The following KCND3 variants were observed in gnomAD, a reference collection of about 807,000 sequenced individuals.
KCND3 encodes the protein A-type voltage-gated potassium channel KCND3.
A neutral mutation model predicts 51.1 loss-of-function variants in KCND3; 9 were observed. The ratio of observed to expected loss-of-function variants is 0.18; its 90% confidence interval spans 0.11 to 0.31. KCND3 has a LOEUF of 0.31. Ranked by LOEUF, KCND3 falls within the 10% of genes least tolerant of loss-of-function variation. KCND3 has a pLI of 1.00. For synonymous variants in KCND3, 349 were observed against 368.0 expected, an observed-to-expected ratio of 0.95 and a Z score of 0.59; for missense variants, 526 against 903.8, an observed-to-expected ratio of 0.58 and a Z score of 5.36.
intron 2 of KCND3, among the ~76,000 whole-genome samples, chr1:111,930,952 G>C (rs1206250839): frequency 6.6e-6 from 1 of 152,178 alleles, no homozygotes; most frequent in African/African-American, 2.4e-5. Context: ...TGTGTGCTGG[G>C]GAGAGGTGGG....
At chr1:111,828,163 T>G (rs563262824) in intron 2 of KCND3, among the ~76,000 whole-genome samples, 2 of 152,278 alleles carry the variant, frequency 1.3e-5, no homozygotes, top group African/African-American at 4.8e-5. Flanking sequence ...CTCCCTGTGA[T>G]GACAGCTCCA....
intron 2 of KCND3, among the ~76,000 whole-genome samples, chr1:111,792,467 AGGAT>A (rs1664877853): frequency 6.6e-6 from 1 of 152,140 alleles, no homozygotes; most frequent in South Asian, 2.1e-4. Context: ...GGCTAGAGAG[AGGAT>A]GGCTGTGGAA....
At position 111,960,934 on chromosome 1, in the gene KCND3, G is replaced by A. The variant is rs1673617464; in HGVS notation, c.1106+20687C>T. On this transcript the variant is annotated intron_variant, in intron 2 of 7. Coordinates refer to ENST00000302127, the MANE Select transcript of KCND3 (RefSeq NM_001378969.1). ...ACTGGGGAACCCCATCCAAATGCCA[G>A]CTTTCCACTCTAGGGAAGACCTCTC... Among the ~76,000 whole-genome samples, 4 of 152,288 alleles carry A rather than the reference G, an allele frequency of 2.6e-5. No individual in the cohort carries two copies. The South Asian group carries it at 8.3e-4, about 32-fold the overall frequency.
chr1:111,784,400 A>G (rs7551060), intron 3 of KCND3, among the ~76,000 whole-genome samples: 1,658 of 152,270 alleles, frequency 0.011, 25 homozygotes, highest in African/African-American at 0.038. Flanking sequence ...AAATGCCCCA[A>G]TCCAGATGTT....
chr1:111,897,516 G>A (rs551138220), intron 2 of KCND3, among the ~76,000 whole-genome samples: 1 of 152,360 alleles, frequency 6.6e-6, no homozygotes, highest in East Asian at 1.9e-4. Context: ...AGCTCGGTGT[G>A]TGGCGCCCTG....
chr1:111,846,535 G>T (rs765765597), intron 2 of KCND3, among the ~76,000 whole-genome samples: 16 of 152,182 alleles, frequency 1.1e-4, no homozygotes, highest in Non-Finnish European at 1.8e-4. Flanking sequence ...GGACAATGGA[G>T]CTAGACAGCT....
intron 2 of KCND3, among the ~76,000 whole-genome samples, chr1:111,866,413 C>T (rs952241962): frequency 2.6e-5 from 4 of 151,370 alleles, no homozygotes; most frequent in African/African-American, 7.3e-5. Flanking sequence ...CATAGGAGTG[C>T]GCCACCATGC....
chr1:111,775,969 G>T lies in KCND3; in HGVS notation c.*108C>A. On this transcript the variant is annotated 3_prime_UTR_variant, in exon 8 of 8. Coordinates refer to ENST00000302127, the MANE Select transcript of KCND3 (RefSeq NM_001378969.1). ...TCAGTGCTAGGGGTACAATGGGGCA[G>T]GCAGAAATAGTGGGGAAAGGGGGGA... 8.0e-7 allele frequency: 1 copy of T among 1,248,676 alleles called. No homozygotes were observed. The allele number at this position is 1,248,676 out of a possible 1,614,324, so 77.3% of individuals were successfully genotyped here. A position where few individuals can be genotyped will look rare whatever the true frequency, so the allele number is the denominator to read the frequency against.
intron 2 of KCND3, among the ~76,000 whole-genome samples, chr1:111,910,571 G>C (rs1242841638): frequency 6.6e-6 from 1 of 152,162 alleles, no homozygotes; most frequent in East Asian, 1.9e-4. Flanking sequence ...CTGCAGGGCG[G>C]CCAACAACCT....
chr1:111,951,397 G>A (rs769677910), intron 2 of KCND3, among the ~76,000 whole-genome samples: 12 of 152,006 alleles, frequency 7.9e-5, no homozygotes, highest in Non-Finnish European at 1.6e-4. Flanking sequence ...AGTTTTTATG[G>A]ATGACACAGT....
chr1:111,865,016 G>A (rs1490106534), intron 2 of KCND3, among the ~76,000 whole-genome samples: 2 of 152,174 alleles, frequency 1.3e-5, no homozygotes, highest in African/African-American at 4.8e-5. Flanking sequence ...AGGCATGTTC[G>A]AGGAACAGCC....
chr1:111,881,950 G>A (rs761653265), intron 2 of KCND3, among the ~76,000 whole-genome samples: 4 of 152,156 alleles, frequency 2.6e-5, no homozygotes, highest in Admixed American at 1.3e-4. Flanking sequence ...GGTTCTGAGG[G>A]GGCCCCTGTT....
intron 2 of KCND3, among the ~76,000 whole-genome samples, chr1:111,933,521 GA>G (rs1245349206): frequency 1.3e-5 from 2 of 152,102 alleles, no homozygotes; most frequent in Non-Finnish European, 2.9e-5. Flanking sequence ...GAGCATTCAC[GA>G]AATTATTGCA....
intron 2 of KCND3, among the ~76,000 whole-genome samples, chr1:111,953,484 C>G (rs879735774): frequency 6.8e-6 from 1 of 147,180 alleles, no homozygotes; most frequent in Admixed American, 7.0e-5. Context: ...GATGGCTTCA[C>G]AGGTTACTTG....
chr1:111,978,261 G>A (rs973444266), intron 2 of KCND3, among the ~76,000 whole-genome samples: 3 of 152,232 alleles, frequency 2.0e-5, no homozygotes, highest in Non-Finnish European at 2.9e-5. Context: ...CCACGTATCA[G>A]CTCTCTGTGC....
rs191055419 is a variant in KCND3 at position 111,905,374 on chromosome 1, T to C, written c.1106+76247A>G. 2.6e-3 allele frequency among the ~76,000 whole-genome samples: 396 copies of C among 152,292 alleles called. 3 individuals carry two copies. The highest frequency in any genetic ancestry group is 9.1e-3 in the African/African-American group (378 of 41,562). The stretch of plus-strand genomic sequence containing the variant: ...CACTCAGCTGATCACCACAGCCCTG[T>C]GAGGAACTGCTAGAATTCTAACTGA... On this transcript the variant is annotated intron_variant, in intron 2 of 7. Coordinates refer to ENST00000302127, the MANE Select transcript of KCND3 (RefSeq NM_001378969.1).
At chr1:111,782,291 TC>T (rs1406328816) in intron 3 of KCND3, among the ~76,000 whole-genome samples, 1 of 152,148 alleles carries the variant, frequency 6.6e-6, no homozygotes, top group Non-Finnish European at 1.5e-5. Context: ...CAGAAACAAT[TC>T]AACTCCCTTC....
chr1:111,783,219 A>T (rs941471669), intron 3 of KCND3, among the ~76,000 whole-genome samples: 1 of 150,316 alleles, frequency 6.7e-6, no homozygotes, highest in Non-Finnish European at 1.5e-5. Context: ...AAAAAAAAAA[A>T]AGGAGGATGT....
rs1231074456 is a variant in KCND3 at position 111,771,386 on chromosome 1, G to A, written c.*4691C>T. On this transcript the variant is annotated 3_prime_UTR_variant, in exon 8 of 8. Transcript: ENST00000302127. ...TGAGATTTCATTAGGAAATCAGAAA[G>A]AGAAAATAAAAGTTTGTCATGGTTA... 6.6e-6 allele frequency: 1 copy of A among 152,156 alleles called. No individual in the cohort carries two copies. Among genetic ancestry groups the A allele is most frequent in the Non-Finnish European group, 1.5e-5 (1 of 68,020 alleles). The allele number at this position is 152,156 out of a possible 1,614,324, so 9.4% of individuals were successfully genotyped here.
Sources: gnomAD v4.1 joint callset for allele counts (sites outside exome capture counted in the v4.1 genomes callset) on GRCh38, gnomAD v4.1.1 for gene constraint, MANE v1.5 for transcripts, NCBI Gene and HGNC (gene_info 2026-07-23, HGNC 2026-07-21) for gene names.